ERVW-1: variants seen among roughly 807,000 people sequenced by gnomAD.
ERVW-1 encodes syncytin-1.
A neutral mutation model predicts 16.6 loss-of-function variants in ERVW-1; 21 were observed. The ratio of observed to expected loss-of-function variants is 1.26; its 90% confidence interval spans 0.90 to 1.82. ERVW-1 has a LOEUF of 1.82. Among genes scored for constraint, ERVW-1 ranks in the 40% most tolerant of loss-of-function variants. The probability of loss-of-function intolerance (pLI) is 0.00; values close to 1 mark genes in which losing one functional copy is unlikely to be tolerated. For missense variants in ERVW-1, 412 were observed against 300.2 expected (o/e 1.37, Z -2.75); for synonymous variants, 161 against 109.8 (o/e 1.47, Z -2.92).
At chr7:92,474,752 G>A (rs1366244652) in intron 1 of ERVW-1, 3 of 152,302 alleles carry the variant, frequency 2.0e-5, no homozygotes, top group Admixed American at 6.5e-5. Context: ...CCTAACCCTT[G>A]TAAAACATCA....
At chr7:92,472,909 C>T (rs541245105) in intron 1 of ERVW-1, 3 of 152,292 alleles carry the variant, frequency 2.0e-5, no homozygotes, top group Admixed American at 2.0e-4. Context: ...CTTGATGGCA[C>T]AAGGTTTCTG....
chr7:92,474,309 A>G (rs1472876518), intron 1 of ERVW-1, among the ~76,000 whole-genome samples: 1 of 152,200 alleles, frequency 6.6e-6, no homozygotes, highest in Non-Finnish European at 1.5e-5. Flanking sequence ...TGATAAACTT[A>G]CGCTTTAAGA....
intron 1 of ERVW-1, among the ~76,000 whole-genome samples, chr7:92,476,490 A>G (rs1171211914): frequency 6.6e-6 from 1 of 152,224 alleles, no homozygotes; most frequent in Non-Finnish European, 1.5e-5. Context: ...ATAGGGTCAC[A>G]GAGAAGACCT....
intron 1 of ERVW-1, among the ~76,000 whole-genome samples, chr7:92,475,954 A>G (rs1790525830): frequency 1.3e-5 from 2 of 152,214 alleles, no homozygotes. Context: ...ACGTTTGAGG[A>G]GACCAGTTAT....
chr7:92,476,407 CG>C (rs1286748565), intron 1 of ERVW-1, among the ~76,000 whole-genome samples: 1 of 152,140 alleles, frequency 6.6e-6, no homozygotes, highest in Non-Finnish European at 1.5e-5. Context: ...AGGGAAGCTA[CG>C]GGTTGTCAAT....
At chr7:92,476,286 T>C (rs1019799876) in intron 1 of ERVW-1, among the ~76,000 whole-genome samples, 1 of 152,240 alleles carries the variant, frequency 6.6e-6, no homozygotes, top group African/African-American at 2.4e-5. Context: ...TGAGGTGTGC[T>C]CACAATGAGG....
rs552812319 is a variant in ERVW-1 at position 92,469,497 on chromosome 7, G to A, written c.885C>T (p.Pro295=). The change falls in exon 2 of 2, where the codon CCC becomes CCT. Residue 295 remains proline, a synonymous_variant. Coordinates refer to ENST00000603053, the MANE Select transcript of ERVW-1 (RefSeq NM_001130925.2). ...CTTGTTCAGTGTAGATGGTCATAGG[G>A]GGCACTAAGAATGAGAGGAAGCACA... ...ESMCFLSFLV[P]PMTIYTEQDL... The A allele has an allele frequency of 2.1e-5, 16 of 769,084 alleles. No individual in the cohort carries two copies. The East Asian group carries it at 3.2e-4, about 15-fold the overall frequency. The allele number at this position is 769,084 out of a possible 1,614,324, so 47.6% of individuals were successfully genotyped here.
Position 92,469,102 on chromosome 7 carries a change from C to A in ERVW-1, c.1280G>T (p.Arg427Leu). Residue 427 changes from arginine (R) to leucine (L), a missense_variant, in exon 2 of 2, where the codon CGT becomes CTT. Transcript: ENST00000603053. ...AGTGTTTCGAAGCTCCTCTGCTCTACGTTGTATTCGATCTCGAATTTCTTT... is the reference window on the plus strand; with the variant it reads ...AGTGTTTCGAAGCTCCTCTGCTCTAAGTTGTATTCGATCTCGAATTTCTTT... ...KVKEIRDRIQ[R>L]RAEELRNTGP... 2 of 702,312 alleles carry A rather than the reference C, an allele frequency of 2.8e-6. No individual in the cohort carries two copies. The highest frequency in any genetic ancestry group is 2.7e-5 in the East Asian group (1 of 37,316). 43.5% of individuals were successfully genotyped at this position (702,312 alleles called of 1,614,324 possible).
rs1790296564 is a variant in ERVW-1, at chr7:92,470,345, G to A, written c.37C>T (p.Leu13Phe). The change falls in exon 2 of 2, where the codon CTT becomes TTT. Residue 13 changes from leucine to phenylalanine, a missense_variant. Leu to Phe is a conservative substitution (Grantham distance 22). Coordinates refer to ENST00000603053, the MANE Select transcript of ERVW-1 (RefSeq NM_001130925.2). ...LPYHIFLFTV[L>F]LPSFTLTAPP... ...GCAGTGAGAGTGAAAGAGGGTAAAA[G>A]AACAGTAAAGAGAAAAATATGATAA... The A allele has an allele frequency of 1.4e-6, 1 of 732,320 alleles. No homozygotes were observed. The allele number at this position is 732,320 out of a possible 1,614,324, so 45.4% of individuals were successfully genotyped here.
At chr7:92,474,276 T>G (rs1438924210) in intron 1 of ERVW-1, among the ~76,000 whole-genome samples, 1 of 152,210 alleles carries the variant, frequency 6.6e-6, no homozygotes, top group Non-Finnish European at 1.5e-5. Context: ...GAAGTTTTTT[T>G]CTAATGTCTG....
intron 1 of ERVW-1, among the ~76,000 whole-genome samples, chr7:92,474,355 G>T (rs1790458854): frequency 6.6e-6 from 1 of 152,198 alleles, no homozygotes; most frequent in Non-Finnish European, 1.5e-5. Flanking sequence ...TGACAGAGAG[G>T]CACGCTTCCT....
At position 92,469,894 on chromosome 7, in the gene ERVW-1, C is replaced by A. The variant is rs538492656; in HGVS notation, c.488G>T (p.Arg163Leu). The A allele has an allele frequency of 3.9e-6, 3 of 778,574 alleles. No individual in the cohort carries two copies. Among genetic ancestry groups the A allele is most frequent in the Admixed American group, 3.4e-5 (2 of 59,016 alleles). The allele number at this position is 778,574 out of a possible 1,614,324, so 48.2% of individuals were successfully genotyped here. ...GGTGGTATTAAATAGGCTTACCAGG[C>A]GAGTATGGGTACGGAGGGTTTCATG... ...KLHETLRTHT[R>L]LVSLFNTTLT... Residue 163 changes from arginine (R) to leucine (L), a missense_variant, in exon 2 of 2, where the codon CGC becomes CTC. Arg to Leu is a moderately radical substitution (Grantham distance 102). Transcript: ENST00000603053.
rs758906735 is a variant in ERVW-1, at chr7:92,469,092, C to G, written c.1290G>C (p.Glu430Asp). Reference protein sequence around the residue: ...EIRDRIQRRAEELRNTGPWGL... With the variant: ...EIRDRIQRRADELRNTGPWGL... ...CCCAGGGTCCAGTGTTTCGAAGCTC[C>G]TCTGCTCTACGTTGTATTCGATCTC... Residue 430 changes from glutamate to aspartate, a missense_variant, in exon 2 of 2, where the codon GAG becomes GAC. By Grantham distance (45) the Glu-to-Asp change is conservative. Coordinates refer to ENST00000603053, the MANE Select transcript of ERVW-1 (RefSeq NM_001130925.2). 2.8e-6 allele frequency: 2 copies of G among 702,600 alleles called. No homozygotes were observed. The highest frequency in any genetic ancestry group is 5.2e-6 in the Non-Finnish European group (2 of 385,626). The allele number at this position is 702,600 out of a possible 1,614,324, so 43.5% of individuals were successfully genotyped here.
chr7:92,473,174 C>G (rs2115959622), intron 1 of ERVW-1: 1 of 152,278 alleles, frequency 6.6e-6, no homozygotes, highest in Middle Eastern at 3.4e-3. Context: ...ACTCTGCTTC[C>G]TCTGGTATTT....
At position 92,469,939 on chromosome 7, in the gene ERVW-1, C is replaced by G. The variant is rs754634753; in HGVS notation, c.443G>C (p.Gly148Ala). The G allele has an allele frequency of 1.3e-6, 1 of 777,936 alleles. No individual in the cohort carries two copies. Among genetic ancestry groups the G allele is most frequent in the African/African-American group, 1.7e-5 (1 of 59,018 alleles). The allele number at this position is 777,936 out of a possible 1,614,324, so 48.2% of individuals were successfully genotyped here. The change falls in exon 2 of 2, where the codon GGA (glycine) becomes GCA (alanine). Residue 148 changes from glycine (G) to alanine (A), a missense_variant. Transcript: ENST00000603053. ...TTCATGTAGTTTTGAGAGATCTAGT[C>G]CTTTGTAGGGGCTAGAGGTGCCATG... is the stretch of plus-strand genomic sequence containing the variant. Reference protein sequence around the residue: ...RVHGTSSPYKGLDLSKLHETL... With the variant: ...RVHGTSSPYKALDLSKLHETL...
chr7:92,477,844 G>T lies in ERVW-1; in HGVS notation c.-690C>A, dbSNP rs533472919. On this transcript the variant is annotated 5_prime_UTR_variant, in exon 1 of 2. The change creates a premature stop within an existing upstream ORF in the 5' untranslated region. Coordinates refer to ENST00000603053, the MANE Select transcript of ERVW-1 (RefSeq NM_001130925.2). ...GGTGAGCAAAAGCTCAGCTCGAGCC[G>T]TAAGAAACATGGACCAGAAGAGTGC... 6.0e-6 allele frequency: 1 copy of T among 166,312 alleles called. No individual in the cohort carries two copies. Among genetic ancestry groups the T allele is most frequent in the Non-Finnish European group, 1.3e-5 (1 of 78,992 alleles). The allele number at this position is 166,312 out of a possible 1,614,324, so 10.3% of individuals were successfully genotyped here.
At chr7:92,474,254 C>A (rs370612157) in intron 1 of ERVW-1, among the ~76,000 whole-genome samples, 1 of 152,028 alleles carries the variant, frequency 6.6e-6, no homozygotes, top group Non-Finnish European at 1.5e-5. Flanking sequence ...TCCGGGCCTA[C>A]GGCAGACTTT....
chr7:92,476,346 G>A (rs981581517), intron 1 of ERVW-1, among the ~76,000 whole-genome samples: 3 of 152,104 alleles, frequency 2.0e-5, no homozygotes, highest in Admixed American at 6.6e-5. Context: ...TTGCGCTACC[G>A]ACTGAATGCA....
At chr7:92,472,386 C>G (rs139147561) in intron 1 of ERVW-1, 2 of 152,226 alleles carry the variant, frequency 1.3e-5, no homozygotes, top group African/African-American at 4.8e-5. Flanking sequence ...CACCACTACC[C>G]GTAAACAATG....
Sources: allele counts gnomAD v4.1 joint callset (sites outside exome capture counted in the v4.1 genomes callset), GRCh38; gene constraint gnomAD v4.1.1; transcripts MANE v1.5; gene names NCBI Gene and HGNC (gene_info 2026-07-23, HGNC 2026-07-21).